The following RFX3 variants were observed in gnomAD, a reference collection of about 807,000 sequenced individuals.
The protein encoded by RFX3 is transcription factor RFX3.
A neutral mutation model predicts 98.6 loss-of-function variants in RFX3; 14 were observed. The ratio of observed to expected loss-of-function variants is 0.14; its 90% CI spans 0.09 to 0.22. RFX3 has a LOEUF of 0.22. RFX3 is among the 10% of genes least tolerant of loss of function. The probability of loss-of-function intolerance (pLI) is 1.00; values close to 1 mark genes in which losing one functional copy is unlikely to be tolerated. For synonymous variants in RFX3, 383 were observed against 328.4 expected (o/e 1.17, Z -1.80); for missense variants, 639 against 926.9 (o/e 0.69, Z 4.03).
chr9:3,453,287 T>C (rs1166513034), intron 1 of RFX3, among the ~76,000 whole-genome samples: 1 of 152,042 alleles, frequency 6.6e-6, no homozygotes, highest in Admixed American at 6.6e-5. Context: ...CAGCAATTAT[T>C]ATTCGCAGTT....
intron 6 of RFX3, among the ~76,000 whole-genome samples, chr9:3,289,431 C>T (rs868691642): frequency 6.6e-6 from 1 of 152,028 alleles, no homozygotes; most frequent in African/African-American, 2.4e-5. Flanking sequence ...GAGATTAGAT[C>T]TTGTCTCAAA....
intron 5 of RFX3, among the ~76,000 whole-genome samples, chr9:3,297,711 G>A (rs1328279019): frequency 6.6e-6 from 1 of 151,866 alleles, no homozygotes; most frequent in Non-Finnish European, 1.5e-5. Context: ...GTTTTGCTTT[G>A]AGCTAAATGT....
At chr9:3,360,986 C>T (rs920753774) in intron 2 of RFX3, among the ~76,000 whole-genome samples, 1 of 152,156 alleles carries the variant, frequency 6.6e-6, no homozygotes, top group African/African-American at 2.4e-5. Context: ...GCCTTTCACA[C>T]AGAAGAGCAT....
At chr9:3,235,476 C>T (rs923393922) in intron 15 of RFX3, among the ~76,000 whole-genome samples, 1 of 152,220 alleles carries the variant, frequency 6.6e-6, no homozygotes, top group Non-Finnish European at 1.5e-5. Flanking sequence ...TGCAACAAAT[C>T]ACCACAGTTA....
At chr9:3,521,782 A>G (rs1818735003) in intron 1 of RFX3, among the ~76,000 whole-genome samples, 1 of 152,182 alleles carries the variant, frequency 6.6e-6, no homozygotes, top group African/African-American at 2.4e-5. Context: ...CTGTCAAAAA[A>G]TTATTTCAGT....
chr9:3,321,492 T>C (rs898410769), intron 4 of RFX3, among the ~76,000 whole-genome samples: 5 of 152,182 alleles, frequency 3.3e-5, no homozygotes, highest in Non-Finnish European at 7.3e-5. Context: ...TATTTCTTTG[T>C]AGTTTATTTT....
intron 1 of RFX3, among the ~76,000 whole-genome samples, chr9:3,403,328 T>C (rs1270814274): frequency 6.6e-6 from 1 of 152,094 alleles, no homozygotes; most frequent in African/African-American, 2.4e-5. Flanking sequence ...GTAAAAAAAG[T>C]CATGATTTTC....
Position 3,248,197 on chromosome 9 carries a change from G to C in RFX3, c.1815-12C>G, listed in dbSNP as rs766623808. 44 of 1,584,726 alleles carry C rather than the reference G, an allele frequency of 2.8e-5. No homozygotes were observed. The highest frequency in any genetic ancestry group is 3.8e-5 in the Non-Finnish European group (44 of 1,164,646). On this transcript the variant is annotated splice_polypyrimidine_tract_variant and intron_variant, in intron 14 of 16. Transcript: ENST00000617270. ...GAATAACCATTGAGCTGTTCCAAGA[G>C]AAAAGACAAATATGCAGCTAACATT...
intron 14 of RFX3, among the ~76,000 whole-genome samples, chr9:3,253,475 C>G (rs1426172515): frequency 6.6e-6 from 1 of 152,152 alleles, no homozygotes; most frequent in African/African-American, 2.4e-5. Context: ...AGAATGCTCT[C>G]TTCTGTTATC....
intron 1 of RFX3, among the ~76,000 whole-genome samples, chr9:3,423,802 T>TATATAG (rs950740734): frequency 4.9e-5 from 7 of 142,374 alleles, no homozygotes; most frequent in African/African-American, 1.9e-4. Context: ...TATATATATA[T>TATATAG]ATATATATAT....
intron 1 of RFX3, among the ~76,000 whole-genome samples, chr9:3,497,066 T>C (rs1470636760): frequency 3.3e-5 from 5 of 152,118 alleles, no homozygotes; most frequent in East Asian, 1.9e-4. Context: ...TGTGTTTGTG[T>C]CTTCAAGAGT....
At chr9:3,258,450 C>T (rs1218541953) in intron 13 of RFX3, among the ~76,000 whole-genome samples, 1 of 152,116 alleles carries the variant, frequency 6.6e-6, no homozygotes, top group African/African-American at 2.4e-5. Flanking sequence ...ATTCAAGGGA[C>T]ATTTCAACCT....
chr9:3,428,251 TCA>T (rs1844305026), intron 1 of RFX3, among the ~76,000 whole-genome samples: 1 of 152,164 alleles, frequency 6.6e-6, no homozygotes, highest in Admixed American at 6.5e-5. Flanking sequence ...TTATTCTCTC[TCA>T]CTCTTTCAAT....
At chr9:3,278,235 CAT>C (rs1825485671) in intron 7 of RFX3, among the ~76,000 whole-genome samples, 3 of 151,536 alleles carry the variant, frequency 2.0e-5, no homozygotes, top group Non-Finnish European at 4.4e-5. Context: ...AAAAACAAAA[CAT>C]AAAAAAGCCT....
intron 2 of RFX3, among the ~76,000 whole-genome samples, chr9:3,380,849 C>T (rs1422793466): frequency 6.6e-6 from 1 of 152,066 alleles, no homozygotes; most frequent in East Asian, 1.9e-4. Context: ...CTTAGTAGTG[C>T]TATTTTTATA....
At chr9:3,426,693 T>C (rs1196643128) in intron 1 of RFX3, among the ~76,000 whole-genome samples, 2 of 152,186 alleles carry the variant, frequency 1.3e-5, no homozygotes, top group Admixed American at 6.5e-5. Flanking sequence ...GGGATCTAGG[T>C]TGCATGTTTC....
intron 1 of RFX3, among the ~76,000 whole-genome samples, chr9:3,445,230 A>G (rs1845943654): frequency 6.6e-6 from 1 of 152,156 alleles, no homozygotes; most frequent in Non-Finnish European, 1.5e-5. Flanking sequence ...TGTATTTTTC[A>G]TAAAGTAAGT....
intron 1 of RFX3, among the ~76,000 whole-genome samples, chr9:3,517,682 T>C (rs1288324825): frequency 6.6e-6 from 1 of 152,230 alleles, no homozygotes; most frequent in Non-Finnish European, 1.5e-5. Context: ...GTTTATGGAC[T>C]ACAGATTTAA....
intron 1 of RFX3, among the ~76,000 whole-genome samples, chr9:3,506,425 A>C (rs1309309048): frequency 6.6e-6 from 1 of 151,802 alleles, no homozygotes; most frequent in East Asian, 1.9e-4. Context: ...CCCAGCAGGC[A>C]CAGTAAAGTT....
Sources: allele counts gnomAD v4.1 joint callset (sites outside exome capture counted in the v4.1 genomes callset), GRCh38; gene constraint gnomAD v4.1.1; transcripts MANE v1.5; gene names NCBI Gene and HGNC (gene_info 2026-07-23, HGNC 2026-07-21).